The following KCNH8 variants were observed in gnomAD, a reference collection of about 807,000 sequenced individuals.
KCNH8 encodes the protein potassium voltage-gated channel subfamily H member 8.
In KCNH8, 70 loss-of-function variants were observed where a neutral mutation model predicts 103.6. That is an observed-to-expected ratio of 0.68 (90% CI 0.56 to 0.82). KCNH8 has a LOEUF of 0.82. KCNH8 is among the 40% of genes least tolerant of loss of function. KCNH8 has a pLI of 0.00. For missense variants in KCNH8, 1,217 were observed against 1,329.9 expected (o/e 0.92, Z 1.32); for synonymous variants, 498 against 489.4 (o/e 1.02, Z -0.23).
intron 8 of KCNH8, among the ~76,000 whole-genome samples, chr3:19,443,359 T>C (rs926310611): frequency 9.3e-5 from 14 of 150,430 alleles, no homozygotes; most frequent in African/African-American, 3.4e-4. Flanking sequence ...ACAGGAGTTG[T>C]ACAGGTTTTA....
intron 2 of KCNH8, among the ~76,000 whole-genome samples, chr3:19,267,486 TGTA>T (rs139821599): frequency 0.01 from 1,560 of 152,090 alleles, 29 homozygotes; most frequent in African/African-American, 0.036. Context: ...AGAAGAAAAA[TGTA>T]GTAAAAATTA....
intron 1 of KCNH8, among the ~76,000 whole-genome samples, chr3:19,252,989 G>T (rs1456730469): frequency 2.0e-5 from 3 of 152,042 alleles, no homozygotes; most frequent in Non-Finnish European, 4.4e-5. Flanking sequence ...TGACATCCCA[G>T]GAGTGAACTT....
intron 8 of KCNH8, among the ~76,000 whole-genome samples, chr3:19,438,609 C>T (rs1486511177): frequency 6.6e-6 from 1 of 152,120 alleles, no homozygotes; most frequent in Non-Finnish European, 1.5e-5. Context: ...ACACGTGGGG[C>T]TCCTCTTATG....
chr3:19,492,790 G>C (rs1261360063), intron 11 of KCNH8, among the ~76,000 whole-genome samples: 1 of 150,208 alleles, frequency 6.7e-6, no homozygotes, highest in African/African-American at 2.5e-5. Flanking sequence ...TCATTTTCAT[G>C]ACACTGATTC....
At position 19,395,141 on chromosome 3, in the gene KCNH8, T is replaced by C; in HGVS notation, c.1007T>C (p.Leu336Ser). Residue 336 changes from leucine (L) to serine (S), a missense_variant, in exon 7 of 16, where the codon TTG becomes TCG. Around this residue, in one of 3 missense-constraint regions of KCNH8, gnomAD observed 415 missense variants for 577.4 expected, o/e 0.72. Transcript: ENST00000328405. Reference protein sequence around the residue: ...LVHLLKTVRLLRLLRLLQKLD... With the variant: ...LVHLLKTVRLSRLLRLLQKLD... ...CATCTTCTAAAGACAGTGCGCCTCT[T>C]GCGTCTTTTGCGTCTGCTGCAGAAG... 1 of 1,611,552 alleles carries C rather than the reference T, an allele frequency of 6.2e-7. No individual in the cohort carries two copies. Among genetic ancestry groups the C allele is most frequent in the Non-Finnish European group, 8.5e-7 (1 of 1,178,786 alleles).
intron 3 of KCNH8, among the ~76,000 whole-genome samples, chr3:19,338,408 C>G (rs1466634049): frequency 2.6e-5 from 4 of 152,214 alleles, no homozygotes; most frequent in African/African-American, 9.6e-5. Context: ...ACCACCACCA[C>G]TACCACCACC....
At chr3:19,400,054 C>A (rs1459465346) in intron 7 of KCNH8, among the ~76,000 whole-genome samples, 3 of 151,476 alleles carry the variant, frequency 2.0e-5, no homozygotes, top group African/African-American at 7.3e-5. Flanking sequence ...ATTCACAGTG[C>A]CTGAGGGAAG....
At position 19,171,582 on chromosome 3, in the gene KCNH8, G is replaced by C. The variant is rs1392077755; in HGVS notation, c.76+22787G>C. Reference sequence around the variant, plus strand: ...TTAGCTCGACTCTATAAATAAGTTAGCCTATCAAGACCAAGATGCTGTGAA... The same window carrying C: ...TTAGCTCGACTCTATAAATAAGTTACCCTATCAAGACCAAGATGCTGTGAA... On this transcript the variant is annotated intron_variant, in intron 1 of 15. Transcript: ENST00000328405. Among the ~76,000 whole-genome samples, 3 of 152,038 alleles carry C rather than the reference G, an allele frequency of 2.0e-5. No individual in the cohort carries two copies. In the South Asian group the frequency reaches 6.2e-4, roughly 32 times the overall value.
intron 1 of KCNH8, among the ~76,000 whole-genome samples, chr3:19,246,257 GT>G (rs758762349): frequency 7.7e-6 from 1 of 130,028 alleles, no homozygotes; most frequent in African/African-American, 2.7e-5. Context: ...ACTTTAAGAA[GT>G]TTTTTTGTTG....
intron 7 of KCNH8, among the ~76,000 whole-genome samples, chr3:19,422,116 T>A (rs759083401): frequency 6.6e-6 from 1 of 152,110 alleles, no homozygotes; most frequent in Non-Finnish European, 1.5e-5. Context: ...ATATCCTCCT[T>A]CAGATATTAG....
chr3:19,288,570 T>G (rs2125279672), intron 3 of KCNH8, among the ~76,000 whole-genome samples: 1 of 152,306 alleles, frequency 6.6e-6, no homozygotes, highest in Non-Finnish European at 1.5e-5. Context: ...TCATCATTTT[T>G]TATGGCTGCA....
intron 5 of KCNH8, among the ~76,000 whole-genome samples, chr3:19,352,719 G>A (rs1014020194): frequency 6.6e-6 from 1 of 152,142 alleles, no homozygotes; most frequent in Non-Finnish European, 1.5e-5. Flanking sequence ...GAATCTCTGG[G>A]ACACATTTAA....
At chr3:19,258,947 C>CTCTCTATATATATATATATA (rs1321918245) in intron 2 of KCNH8, among the ~76,000 whole-genome samples, 8 of 24,798 alleles carry the variant, frequency 3.2e-4, no homozygotes, top group Non-Finnish European at 5.6e-4. Context: ...CTCTCTCTCT[C>CTCTCTATATATATATATATA]TATATATATA....
At chr3:19,406,503 C>T (rs62276960) in intron 7 of KCNH8, among the ~76,000 whole-genome samples, 39,416 of 151,970 alleles carry the variant, frequency 0.26, 5,540 homozygotes, top group Middle Eastern at 0.34. Flanking sequence ...TTCTAAAGGA[C>T]AGTAAGAAGC....
intron 1 of KCNH8, among the ~76,000 whole-genome samples, chr3:19,181,812 CAACA>C (rs1268541034): frequency 3.3e-5 from 5 of 152,104 alleles, no homozygotes; most frequent in Non-Finnish European, 4.4e-5. Flanking sequence ...CTGACAGTTT[CAACA>C]AACAGAGAAA....
intron 3 of KCNH8, among the ~76,000 whole-genome samples, chr3:19,303,811 G>A (rs2065095077): frequency 6.6e-6 from 1 of 152,108 alleles, no homozygotes; most frequent in African/African-American, 2.4e-5. Flanking sequence ...AACAATCATT[G>A]TAGGCAAGCT....
At position 19,456,866 on chromosome 3, in the gene KCNH8, A is replaced by G. The variant is rs145641641; in HGVS notation, c.1924A>G (p.Ile642Val). Residue 642 changes from isoleucine (I) to valine (V), a missense_variant, in exon 11 of 16, where the codon ATC becomes GTC. By Grantham distance (29) the Ile-to-Val change is conservative. Around this residue, in one of 3 missense-constraint regions of KCNH8, gnomAD observed 415 missense variants for 577.4 expected, o/e 0.72. Coordinates refer to ENST00000328405, the MANE Select transcript of KCNH8 (RefSeq NM_144633.3). ...TTTAACCTACTGTGATCTCCAGTGT[A>G]TCATCCTCAAAGGACTCTTTGAAGT... The part of the protein sequence containing the change: ...KALTYCDLQC[I>V]ILKGLFEVLD... 1.2e-3 allele frequency: 1,950 copies of G among 1,612,352 alleles called. 35 individuals carry two copies. In the Admixed American group the frequency reaches 0.03, roughly 25 times the overall value.
chr3:19,396,402 A>C (rs1291674167), intron 7 of KCNH8, among the ~76,000 whole-genome samples: 1 of 152,054 alleles, frequency 6.6e-6, no homozygotes, highest in East Asian at 1.9e-4. Flanking sequence ...TTAGGAAAGC[A>C]GGTGGAAGGG....
At chr3:19,428,041 T>C (rs1309496838) in intron 7 of KCNH8, among the ~76,000 whole-genome samples, 3 of 152,214 alleles carry the variant, frequency 2.0e-5, no homozygotes, top group Non-Finnish European at 4.4e-5. Flanking sequence ...TGACTTTCAA[T>C]TCAGACAAAC....
Sources: allele counts gnomAD v4.1 joint callset (sites outside exome capture counted in the v4.1 genomes callset), GRCh38; gene constraint gnomAD v4.1.1; regional missense constraint gnomAD v4.1.1; transcripts MANE v1.5; gene names NCBI Gene and HGNC (gene_info 2026-07-23, HGNC 2026-07-21).